Variants in SAP30L observed in about 807,000 individuals in gnomAD.
SAP30L encodes SAP30 like.
SAP30L carries 10 observed loss-of-function variants against 22.3 expected under a neutral mutation model. The observed-to-expected ratio is 0.45, with a 90% CI of 0.28 to 0.76. The LOEUF is 0.76. Among genes scored for constraint, SAP30L ranks in the 30% least tolerant of loss-of-function variants. The pLI is 0.14. For missense variants in SAP30L, 206 were observed against 237.9 expected, an observed-to-expected ratio of 0.87 and a Z score of 0.88; for synonymous variants, 91 against 94.1, an observed-to-expected ratio of 0.97 and a Z score of 0.19.
intron 3 of SAP30L, 126 bp downstream of exon 3, chr5:154,453,626 G>A: frequency 2.9e-6 from 2 of 688,582 alleles, no homozygotes; most frequent in Non-Finnish European, 5.0e-6. Flanking sequence ...AAGCAACTCT[G>A]TATTCCTCTT....
At position 154,458,430 on chromosome 5, in the gene SAP30L, T is replaced by G. The variant is rs574204927; in HGVS notation, c.*2402T>G. ...GCTCTATCTGTGGGCAAGGGACTCC[T>G]GCCTGTGAGAAGTGGCCAGGCCCTC... On this transcript the variant is annotated 3_prime_UTR_variant, in exon 4 of 4. Coordinates refer to ENST00000297109, the MANE Select transcript of SAP30L (RefSeq NM_024632.6). The G allele has an allele frequency of 6.6e-6, 1 of 152,450 alleles. No individual in the cohort carries two copies. The highest frequency in any genetic ancestry group is 1.9e-4 in the East Asian group (1 of 5,192). The allele number at this position is 152,450 out of a possible 1,614,324, so 9.4% of individuals were successfully genotyped here. A position where few individuals can be genotyped will look rare whatever the true frequency, so the allele number is the denominator to read the frequency against.
At position 154,457,324 on chromosome 5, in the gene SAP30L, A is replaced by C. The variant is rs1417067612; in HGVS notation, c.*1296A>C. 6.6e-6 allele frequency: 1 copy of C among 152,206 alleles called. No homozygotes were observed. Among genetic ancestry groups the C allele is most frequent in the African/African-American group, 2.4e-5 (1 of 41,444 alleles). The allele number at this position is 152,206 out of a possible 1,614,324, so 9.4% of individuals were successfully genotyped here. ...TGGAGGGCAGAGGGTATGGGGTAGGAGGGTGGGAGAAAGAAAAGAAAAGAA... is the reference window on the plus strand; with the variant it reads ...TGGAGGGCAGAGGGTATGGGGTAGGCGGGTGGGAGAAAGAAAAGAAAAGAA... On this transcript the variant is annotated 3_prime_UTR_variant, in exon 4 of 4. Transcript: ENST00000297109.
chr5:154,453,940 A>G (rs1279214086), intron 3 of SAP30L, among the ~76,000 whole-genome samples: 2 of 151,908 alleles, frequency 1.3e-5, no homozygotes, highest in Non-Finnish European at 2.9e-5. Flanking sequence ...GATCCTTCCC[A>G]CCTCAGCCTC....
chr5:154,452,780 G>A (rs151118633), intron 2 of SAP30L, among the ~76,000 whole-genome samples: 14 of 152,280 alleles, frequency 9.2e-5, no homozygotes, highest in African/African-American at 2.9e-4. Flanking sequence ...TCGCTGCCTC[G>A]TTCTGGCCTA....
chr5:154,456,178 T>G lies in SAP30L; in HGVS notation c.*150T>G. ...TAAATCTTTTTGGTCAGGAGGATTA[T>G]ATTCTCATGATTCAGCATGTGTATA... On this transcript the variant is annotated 3_prime_UTR_variant, in exon 4 of 4. Transcript: ENST00000297109. 1.4e-6 allele frequency: 1 copy of G among 716,614 alleles called. No homozygotes were observed. The highest frequency in any genetic ancestry group is 3.0e-5 in the East Asian group (1 of 33,028). The allele number at this position is 716,614 out of a possible 1,614,324, so 44.4% of individuals were successfully genotyped here.
chr5:154,446,262 G>T lies in SAP30L; in HGVS notation c.-343G>T, dbSNP rs1481786206. 8.6e-6 allele frequency: 2 copies of T among 232,278 alleles called. No homozygotes were observed. Among genetic ancestry groups the T allele is most frequent in the East Asian group, 1.7e-4 (2 of 11,926 alleles). 14.4% of individuals were successfully genotyped at this position (232,278 alleles called of 1,614,324 possible). ...GGCAACCCAGGCCCGGAGTCCTTGG[G>T]GAGCGGCTGTTTCCTGGGACGCCCT... On this transcript the variant is annotated 5_prime_UTR_variant, in exon 1 of 4. Transcript: ENST00000297109.
intron 1 of SAP30L, among the ~76,000 whole-genome samples, chr5:154,448,470 G>A (rs1458388202): frequency 6.6e-6 from 1 of 152,216 alleles, no homozygotes; most frequent in Non-Finnish European, 1.5e-5. Flanking sequence ...AGACACCAAG[G>A]TGATCCCTCC....
In SAP30L at chr5:154,446,496, T is replaced by G. The variant is rs1053496675; in HGVS notation, c.-109T>G. On this transcript the variant is annotated 5_prime_UTR_variant, in exon 1 of 4. Coordinates refer to ENST00000297109, the MANE Select transcript of SAP30L (RefSeq NM_024632.6). ...GGCAGCGCCCGGGCTGGAGACGGACTCTGGGACCCTCGGCTGCGGGGGTCT... is the reference window on the plus strand; with the variant it reads ...GGCAGCGCCCGGGCTGGAGACGGACGCTGGGACCCTCGGCTGCGGGGGTCT... 3.2e-6 allele frequency: 3 copies of G among 936,006 alleles called. No homozygotes were observed. The highest frequency in any genetic ancestry group is 1.8e-5 in the African/African-American group (1 of 57,064). 58.0% of individuals were successfully genotyped at this position (936,006 alleles called of 1,614,324 possible). A position where few individuals can be genotyped will look rare whatever the true frequency, so the allele number is the denominator to read the frequency against.
intron 3 of SAP30L, among the ~76,000 whole-genome samples, chr5:154,455,286 C>T (rs1476877314): frequency 6.6e-6 from 1 of 152,172 alleles, no homozygotes; most frequent in African/African-American, 2.4e-5. Flanking sequence ...GCAGTCACAG[C>T]TCACTGCAGC....
chr5:154,455,137 C>G (rs1582044648), intron 3 of SAP30L, among the ~76,000 whole-genome samples: 1 of 152,130 alleles, frequency 6.6e-6, no homozygotes, highest in African/African-American at 2.4e-5. Flanking sequence ...AGGCTGGTCT[C>G]GGACTCCTGA....
chr5:154,450,985 ATC>A (rs1207367844), intron 1 of SAP30L, 104 bp from the exon 2 acceptor site: 3 of 1,182,250 alleles, frequency 2.5e-6, no homozygotes, highest in Non-Finnish European at 3.7e-6. Context: ...TCTTCCATCT[ATC>A]TCTCCAATGC....
rs1239112800 is a variant in SAP30L at position 154,446,580 on chromosome 5, A to G, written c.-25A>G. The G allele has an allele frequency of 2.1e-6, 3 of 1,443,874 alleles. No individual in the cohort carries two copies. Among genetic ancestry groups the G allele is most frequent in the Middle Eastern group, 2.5e-4 (1 of 3,990 alleles). The allele number at this position is 1,443,874 out of a possible 1,614,324, so 89.4% of individuals were successfully genotyped here. The stretch of plus-strand genomic sequence containing the variant: ...AGTGGCCTACCGGGGACCCTCCCCC[A>G]GAGGGACCGGCCCGGGGCGGGGAGA... On this transcript the variant is annotated 5_prime_UTR_variant, in exon 1 of 4. Transcript: ENST00000297109.
intron 2 of SAP30L, chr5:154,452,574 C>A: frequency 2.8e-6 from 2 of 712,280 alleles, no homozygotes; most frequent in Non-Finnish European, 3.4e-6. Flanking sequence ...TTGTTAGAAA[C>A]AAAAAGGGGG....
chr5:154,451,395 T>C (rs1344823902), intron 2 of SAP30L, 182 bp downstream of exon 2: 1 of 651,422 alleles, frequency 1.5e-6, no homozygotes. Flanking sequence ...GGACACCCAC[T>C]GGTCAGACTG....
At chr5:154,452,747 C>CACTGCCT (rs1456051398) in intron 2 of SAP30L, among the ~76,000 whole-genome samples, 34 of 152,278 alleles carry the variant, frequency 2.2e-4, no homozygotes, top group African/African-American at 7.2e-4. Context: ...GATAACAGCC[C>CACTGCCT]TCCTTTGTGC....
At chr5:154,448,754 C>T (rs146857188) in intron 1 of SAP30L, among the ~76,000 whole-genome samples, 1 of 152,300 alleles carries the variant, frequency 6.6e-6, no homozygotes, top group East Asian at 1.9e-4. Context: ...CACACACTGT[C>T]TAGAAGAAGG....
chr5:154,455,498 C>T (rs2113281051), intron 3 of SAP30L, among the ~76,000 whole-genome samples: 1 of 152,280 alleles, frequency 6.6e-6, no homozygotes, highest in South Asian at 2.1e-4. Flanking sequence ...TGTGAGCCAC[C>T]ACGCCTGCCC....
At chr5:154,451,357 T>A in intron 2 of SAP30L, 144 bp downstream of exon 2, 1 of 878,784 alleles carries the variant, frequency 1.1e-6, no homozygotes, top group Non-Finnish European at 1.7e-6. Flanking sequence ...TGAATTATAG[T>A]AATATGGAAT....
intron 2 of SAP30L, among the ~76,000 whole-genome samples, chr5:154,451,926 G>T (rs1023081346): frequency 6.6e-6 from 1 of 152,086 alleles, no homozygotes; most frequent in Non-Finnish European, 1.5e-5. Context: ...AGACAAAATC[G>T]TCCTGTGTTG....
Sources: allele counts gnomAD v4.1 joint callset (sites outside exome capture counted in the v4.1 genomes callset), GRCh38; gene constraint gnomAD v4.1.1; transcripts MANE v1.5; gene names NCBI Gene and HGNC (gene_info 2026-07-23, HGNC 2026-07-21).